NRXN1: variants seen among roughly 807,000 people sequenced by gnomAD.
NRXN1 encodes the protein neurexin 1, also known as neurexin-1.
A neutral mutation model predicts 150.9 loss-of-function variants in NRXN1; 39 were observed. That is an observed-to-expected ratio of 0.26 (90% CI 0.20 to 0.34). The LOEUF (loss-of-function observed/expected upper bound fraction) is 0.34, where lower values mean the gene tolerates loss of function less well. NRXN1 is among the 10% of genes least tolerant of loss of function. The pLI is 1.00. For synonymous variants in NRXN1, 924 were observed against 757.0 expected, an observed-to-expected ratio of 1.22 and a Z score of -3.62; for missense variants, 1,815 against 1,949.9, an observed-to-expected ratio of 0.93 and a Z score of 1.30.
chr2:50,883,928 G>A (rs1473509839), intron 5 of NRXN1, among the ~76,000 whole-genome samples: 1 of 151,770 alleles, frequency 6.6e-6, no homozygotes, highest in East Asian at 2.0e-4. Context: ...GTGTGTAACA[G>A]CCAGGAAGGG....
At chr2:50,429,028 A>T (rs924070627) in intron 17 of NRXN1, among the ~76,000 whole-genome samples, 1 of 152,158 alleles carries the variant, frequency 6.6e-6, no homozygotes, top group African/African-American at 2.4e-5. Flanking sequence ...GTTTTTACTC[A>T]TGTATTTTCC....
chr2:49,995,747 A>C (rs35178310), intron 21 of NRXN1, among the ~76,000 whole-genome samples: 2 of 138,582 alleles, frequency 1.4e-5, no homozygotes, highest in African/African-American at 5.4e-5. Flanking sequence ...CATCACTGCA[A>C]TCCAGCCTGA....
intron 5 of NRXN1, among the ~76,000 whole-genome samples, chr2:50,895,322 T>C (rs955150008): frequency 1.1e-4 from 17 of 152,196 alleles, no homozygotes; most frequent in African/African-American, 4.1e-4. Flanking sequence ...TAATCTTTGC[T>C]CTAACTGACA....
chr2:50,090,322 G>C (rs2140412), intron 19 of NRXN1, among the ~76,000 whole-genome samples: 113,264 of 152,064 alleles, frequency 0.74, 43,094 homozygotes, highest in African/African-American at 0.91. Context: ...CCAAATAAGT[G>C]TGATAGAAGA....
chr2:50,156,632 G>GA (rs1217536652), intron 18 of NRXN1, among the ~76,000 whole-genome samples: 1 of 151,560 alleles, frequency 6.6e-6, no homozygotes, highest in African/African-American at 2.4e-5. Flanking sequence ...ACAATTCAGT[G>GA]AAAAAAGAAA....
At chr2:50,784,008 T>C (rs1177773370) in intron 5 of NRXN1, among the ~76,000 whole-genome samples, 1 of 152,124 alleles carries the variant, frequency 6.6e-6, no homozygotes, top group African/African-American at 2.4e-5. Flanking sequence ...GGTCCAGCAA[T>C]CTTCTGCTGA....
At chr2:50,651,546 T>G (rs1372709263) in intron 5 of NRXN1, among the ~76,000 whole-genome samples, 1 of 151,690 alleles carries the variant, frequency 6.6e-6, no homozygotes, top group African/African-American at 2.4e-5. Context: ...TAAAATACAC[T>G]GGGAGGCTGA....
intron 17 of NRXN1, chr2:50,312,841 TC>T (rs2075290157): frequency 2.1e-6 from 1 of 471,846 alleles, no homozygotes; most frequent in Non-Finnish European, 4.3e-6. Flanking sequence ...CATTTCCTGA[TC>T]ATATAATTTT....
At chr2:50,342,563 C>T (rs1016320360) in intron 17 of NRXN1, among the ~76,000 whole-genome samples, 7 of 152,234 alleles carry the variant, frequency 4.6e-5, no homozygotes, top group Admixed American at 3.9e-4. Flanking sequence ...CATTAACCTC[C>T]TGCCTCCTGG....
At chr2:50,376,251 A>G (rs530955182) in intron 17 of NRXN1, among the ~76,000 whole-genome samples, 8 of 152,100 alleles carry the variant, frequency 5.3e-5, no homozygotes, top group Non-Finnish European at 1.0e-4. Flanking sequence ...TAAGTCTGAA[A>G]GAGAGAAAAT....
At chr2:50,531,150 T>G (rs2093091317) in intron 11 of NRXN1, 77 bp downstream of exon 11, 1 of 1,138,238 alleles carries the variant, frequency 8.8e-7, no homozygotes, top group Non-Finnish European at 1.3e-6. Context: ...GCAAACAGGC[T>G]ACTTGATCAA....
At chr2:50,560,772 A>C (rs767844801) in intron 8 of NRXN1, among the ~76,000 whole-genome samples, 3 of 152,164 alleles carry the variant, frequency 2.0e-5, no homozygotes, top group African/African-American at 2.4e-5. Context: ...ATTTTGAAAA[A>C]TAAGAGTGTT....
intron 17 of NRXN1, among the ~76,000 whole-genome samples, chr2:50,419,024 T>A (rs928501433): frequency 6.6e-6 from 1 of 152,058 alleles, no homozygotes; most frequent in Non-Finnish European, 1.5e-5. Flanking sequence ...ATCAATTCCA[T>A]AAGTGAAGAC....
chr2:50,471,826 C>T (rs1324707269), intron 16 of NRXN1, among the ~76,000 whole-genome samples: 1 of 151,640 alleles, frequency 6.6e-6, no homozygotes, highest in Non-Finnish European at 1.5e-5. Flanking sequence ...ACAAAAAACC[C>T]CTATGACACA....
intron 5 of NRXN1, among the ~76,000 whole-genome samples, chr2:50,787,806 G>A (rs913706339): frequency 5.3e-5 from 8 of 151,984 alleles, no homozygotes; most frequent in Admixed American, 1.3e-4. Flanking sequence ...TTGTGCAGCC[G>A]AGAGGTAAGG....
chr2:50,383,925 T>C (rs1217160463), intron 17 of NRXN1, among the ~76,000 whole-genome samples: 1 of 152,188 alleles, frequency 6.6e-6, no homozygotes, highest in Non-Finnish European at 1.5e-5. Context: ...CTGATAGCTT[T>C]GCTGAAAAGC....
intron 17 of NRXN1, among the ~76,000 whole-genome samples, chr2:50,374,192 G>A (rs768701854): frequency 5.3e-5 from 8 of 151,754 alleles, no homozygotes; most frequent in South Asian, 2.1e-4. Flanking sequence ...CAGCTACTCC[G>A]GAGGCTGAGG....
chr2:50,318,852 T>C (rs182426687), intron 17 of NRXN1, among the ~76,000 whole-genome samples: 1 of 152,248 alleles, frequency 6.6e-6, no homozygotes, highest in African/African-American at 2.4e-5. Flanking sequence ...GTGCTTCAGA[T>C]AGGTACTGCT....
intron 2 of NRXN1, among the ~76,000 whole-genome samples, chr2:50,951,283 A>G (rs1691290046): frequency 1.3e-5 from 2 of 152,170 alleles, no homozygotes; most frequent in African/African-American, 4.8e-5. Flanking sequence ...GCATATGCAT[A>G]TATGGATTTC....
Sources: gnomAD v4.1 joint callset for allele counts (sites outside exome capture counted in the v4.1 genomes callset) on GRCh38, gnomAD v4.1.1 for gene constraint, MANE v1.5 for transcripts, NCBI Gene and HGNC (gene_info 2026-07-23, HGNC 2026-07-21) for gene names.